RNF121: variants seen among roughly 807,000 people sequenced by gnomAD.
RNF121 encodes the protein ring finger protein 121, also known as E3 ubiquitin ligase RNF121.
RNF121 carries 21 observed loss-of-function variants against 46.5 expected under a neutral mutation model. The observed-to-expected ratio is 0.45, with a 90% confidence interval of 0.32 to 0.65. The LOEUF is 0.65. RNF121 is among the 30% of genes least tolerant of loss of function. The probability of loss-of-function intolerance (pLI) is 0.04; values close to 1 mark genes in which losing one functional copy is unlikely to be tolerated. For synonymous variants in RNF121, 139 were observed against 144.7 expected, an observed-to-expected ratio of 0.96 and a Z score of 0.28; for missense variants, 346 against 416.0, an observed-to-expected ratio of 0.83 and a Z score of 1.46.
intron 3 of RNF121, among the ~76,000 whole-genome samples, chr11:71,961,999 G>A (rs111984209): frequency 0.029 from 3,902 of 132,362 alleles, 56 homozygotes; most frequent in Middle Eastern, 0.096. Context: ...ACAGAGTCTC[G>A]CTGTGTCGCC....
At chr11:71,962,278 A>G (rs933016384) in intron 3 of RNF121, 12 of 984,492 alleles carry the variant, frequency 1.2e-5, no homozygotes, top group Middle Eastern at 5.2e-4. Context: ...TTTACAACCT[A>G]TTCTGAAGAA....
chr11:71,973,017 T>C (rs1954452573), intron 3 of RNF121, among the ~76,000 whole-genome samples: 1 of 152,144 alleles, frequency 6.6e-6, no homozygotes, highest in African/African-American at 2.4e-5. Flanking sequence ...AGAAACCTTG[T>C]CTCTACTAAA....
At chr11:71,983,241 T>C (rs146257271) in intron 4 of RNF121, 9 of 186,794 alleles carry the variant, frequency 4.8e-5, no homozygotes, top group African/African-American at 2.1e-4. Flanking sequence ...CTAAATTAGA[T>C]TTTCCATTAT....
rs190408514 is a variant in RNF121 at position 71,996,471 on chromosome 11, A to G, written c.*156A>G. The G allele has an allele frequency of 1.0e-3, 786 of 786,430 alleles. 5 individuals carry two copies. The African/African-American group carries it at 0.012, about 12-fold the overall frequency. The allele number at this position is 786,430 out of a possible 1,614,324, so 48.7% of individuals were successfully genotyped here. A position where few individuals can be genotyped will look rare whatever the true frequency, so the allele number is the denominator to read the frequency against. On this transcript the variant is annotated 3_prime_UTR_variant, in exon 9 of 9. Coordinates refer to ENST00000361756, the MANE Select transcript of RNF121 (RefSeq NM_018320.5). ...CTGTGTCGGACTGGGGAGGGATATG[A>G]TGGAGAGCCAGCCAGTGGGGCTGTC...
intron 2 of RNF121, among the ~76,000 whole-genome samples, chr11:71,960,357 C>T (rs1565149492): frequency 6.6e-6 from 1 of 152,184 alleles, no homozygotes; most frequent in Non-Finnish European, 1.5e-5. Context: ...GCGTATGAGA[C>T]TTTATGTCTA....
At chr11:71,932,180 C>T (rs902581917) in intron 1 of RNF121, among the ~76,000 whole-genome samples, 1 of 152,186 alleles carries the variant, frequency 6.6e-6, no homozygotes, top group Non-Finnish European at 1.5e-5. Context: ...AAAAGAGCTA[C>T]CAGTAGAAAA....
chr11:71,941,001 G>A (rs1401401728), intron 1 of RNF121, among the ~76,000 whole-genome samples: 1 of 152,222 alleles, frequency 6.6e-6, no homozygotes, highest in African/African-American at 2.4e-5. Context: ...ACGCAGTTCT[G>A]TATGACTGGA....
intron 1 of RNF121, among the ~76,000 whole-genome samples, chr11:71,946,456 G>T (rs1226874914): frequency 6.6e-6 from 1 of 152,084 alleles, no homozygotes; most frequent in African/African-American, 2.4e-5. Flanking sequence ...TGTAACTCCT[G>T]ACTCACAGGA....
At chr11:71,974,237 A>G (rs10793012) in intron 3 of RNF121, among the ~76,000 whole-genome samples, 150,498 of 152,334 alleles carry the variant, frequency 0.99, 74,399 homozygotes, top group Middle Eastern at 1. Context: ...CACCACGCCC[A>G]GCCAAGCCCT....
At chr11:71,946,563 A>G (rs1219115078) in intron 1 of RNF121, among the ~76,000 whole-genome samples, 1 of 152,094 alleles carries the variant, frequency 6.6e-6, no homozygotes, top group Non-Finnish European at 1.5e-5. Flanking sequence ...AGGTCCAGAA[A>G]AGGCAAATAT....
Position 71,953,165 on chromosome 11 carries a change from C to G in RNF121, c.64-4062C>G, listed in dbSNP as rs539986003. ...CCTCCTGCCTTAGCCTCCCAAGTAG[C>G]TGGGACTACAGGCACATGCCACCAC... On this transcript the variant is annotated intron_variant, in intron 1 of 8. Coordinates refer to ENST00000361756, the MANE Select transcript of RNF121 (RefSeq NM_018320.5). 2.6e-5 allele frequency among the ~76,000 whole-genome samples: 4 copies of G among 152,308 alleles called. No individual in the cohort carries two copies. In the South Asian group the frequency reaches 8.3e-4, roughly 32 times the overall value.
intron 1 of RNF121, among the ~76,000 whole-genome samples, chr11:71,949,103 C>T (rs1455717370): frequency 6.6e-6 from 1 of 152,196 alleles, no homozygotes; most frequent in Middle Eastern, 3.2e-3. Flanking sequence ...TGGGCTTATT[C>T]CTCTTTAATG....
intron 3 of RNF121, among the ~76,000 whole-genome samples, chr11:71,968,373 A>G (rs1297676017): frequency 6.6e-6 from 1 of 152,044 alleles, no homozygotes; most frequent in East Asian, 1.9e-4. Flanking sequence ...TTTATGAACG[A>G]TCTTGTTGGC....
chr11:71,940,523 G>A (rs1268985647), intron 1 of RNF121, among the ~76,000 whole-genome samples: 1 of 152,228 alleles, frequency 6.6e-6, no homozygotes, highest in Non-Finnish European at 1.5e-5. Context: ...TAGCAAGTAA[G>A]AGAAGAGTAA....
chr11:71,985,626 C>T (rs1954757556), intron 4 of RNF121, among the ~76,000 whole-genome samples: 1 of 152,182 alleles, frequency 6.6e-6, no homozygotes, highest in East Asian at 1.9e-4. Flanking sequence ...CAGGGAAGGA[C>T]CTTGACTTTC....
intron 5 of RNF121, among the ~76,000 whole-genome samples, chr11:71,988,036 T>C (rs1590813548): frequency 6.6e-6 from 1 of 152,342 alleles, no homozygotes; most frequent in East Asian, 1.9e-4. Context: ...AAGGAAACAG[T>C]TCTGGAAAGT....
At position 71,997,052 on chromosome 11, in the gene RNF121, A is replaced by G. The variant is rs1954995122; in HGVS notation, c.*737A>G. On this transcript the variant is annotated 3_prime_UTR_variant, in exon 9 of 9. Transcript: ENST00000361756. ...GTGGTCAGCCAAGAATAGAGGTCATATAGTTGGGCCATGGGGCAATTGTTG... is the reference window on the plus strand; with the variant it reads ...GTGGTCAGCCAAGAATAGAGGTCATGTAGTTGGGCCATGGGGCAATTGTTG... 1 of 152,256 alleles carries G rather than the reference A, an allele frequency of 6.6e-6. No homozygotes were observed. The highest frequency in any genetic ancestry group is 1.5e-5 in the Non-Finnish European group (1 of 68,056). 9.4% of individuals were successfully genotyped at this position (152,256 alleles called of 1,614,324 possible). A position where few individuals can be genotyped will look rare whatever the true frequency, so the allele number is the denominator to read the frequency against.
chr11:71,933,676 C>T (rs1426463660), intron 1 of RNF121, among the ~76,000 whole-genome samples: 2 of 152,164 alleles, frequency 1.3e-5, no homozygotes, highest in East Asian at 1.9e-4. Context: ...TTTGTCTAGG[C>T]TCACCAAGCA....
Position 71,973,793 on chromosome 11 carries a change from AC to A in RNF121, c.244-8967del, listed in dbSNP as rs1295881506. On this transcript the variant is annotated intron_variant, in intron 3 of 8. Coordinates refer to ENST00000361756, the MANE Select transcript of RNF121 (RefSeq NM_018320.5). ...CAAGAGTGAAACTCTGTCTCAAAAA[AC>A]AAAAAAACAAACCAAAAAAACCCCA... Among the ~76,000 whole-genome samples the A allele has an allele frequency of 2.0e-5, 3 of 152,156 alleles. No individual in the cohort carries two copies. The East Asian group carries it at 5.8e-4, about 29-fold the overall frequency.
Sources: allele counts gnomAD v4.1 joint callset (sites outside exome capture counted in the v4.1 genomes callset), GRCh38; gene constraint gnomAD v4.1.1; transcripts MANE v1.5; gene names NCBI Gene and HGNC (gene_info 2026-07-23, HGNC 2026-07-21).